The following IL1RAPL1 variants were observed in gnomAD, a reference collection of about 807,000 sequenced individuals.
IL1RAPL1 encodes interleukin 1 receptor accessory protein like 1.
Under a neutral mutation model 48.4 loss-of-function variants are expected in IL1RAPL1, and 3 were observed. The observed-to-expected ratio is 0.06, with a 90% CI of 0.03 to 0.16. The LOEUF is 0.16. IL1RAPL1 is among the 10% of genes least tolerant of loss of function. The pLI, the probability that IL1RAPL1 is intolerant of heterozygous loss-of-function variation, is 1.00. For missense variants in IL1RAPL1, 349 were observed against 530.6 expected, an observed-to-expected ratio of 0.66 and a Z score of 3.36; for synonymous variants, 185 against 187.7, an observed-to-expected ratio of 0.99 and a Z score of 0.12.
At chrX:29,473,651 A>G (rs1358493472) in intron 5 of IL1RAPL1, among the ~76,000 whole-genome samples, 2 of 90,665 alleles carry the variant, frequency 2.2e-5, no homozygotes, top group Non-Finnish European at 4.1e-5. Context: ...ATTTCTGTTC[A>G]TCATTCAGAT....
At chrX:29,070,471 C>T (rs192087530) in intron 2 of IL1RAPL1, among the ~76,000 whole-genome samples, 1 of 111,817 alleles carries the variant, frequency 8.9e-6, no homozygotes, top group East Asian at 2.8e-4. Context: ...AAACACGGAC[C>T]TGACACAGGA....
At chrX:29,742,808 G>C (rs2147136633) in intron 6 of IL1RAPL1, among the ~76,000 whole-genome samples, 1 of 111,425 alleles carries the variant, frequency 9.0e-6, no homozygotes, top group East Asian at 2.8e-4. Context: ...CTTTAGGCTG[G>C]GTTACTAATA....
At chrX:29,327,310 C>A (rs1417994950) in intron 3 of IL1RAPL1, among the ~76,000 whole-genome samples, 7 of 110,051 alleles carry the variant, frequency 6.4e-5, no homozygotes, top group Non-Finnish European at 1.1e-4. Context: ...CCTCCCAATT[C>A]TTAAATTACA....
chrX:28,763,275 A>G (rs1195737829), intron 1 of IL1RAPL1, among the ~76,000 whole-genome samples: 2 of 111,677 alleles, frequency 1.8e-5, no homozygotes, highest in African/African-American at 6.5e-5. Context: ...TTGCCACGAT[A>G]TGAATGTCCC....
At chrX:29,496,274 T>C (rs1439754294) in intron 5 of IL1RAPL1, among the ~76,000 whole-genome samples, 1 of 110,677 alleles carries the variant, frequency 9.0e-6, no homozygotes, top group African/African-American at 3.3e-5. Context: ...TGATATAGTT[T>C]GCATATTTAT....
intron 2 of IL1RAPL1, among the ~76,000 whole-genome samples, chrX:28,937,140 T>C (rs1156956780): frequency 1.8e-5 from 2 of 111,382 alleles, no homozygotes; most frequent in African/African-American, 6.5e-5. Context: ...TATTAACGTT[T>C]ATATCTGTCT....
intron 3 of IL1RAPL1, among the ~76,000 whole-genome samples, chrX:29,335,805 A>G (rs1479971934): frequency 9.0e-6 from 1 of 111,627 alleles, no homozygotes; most frequent in Non-Finnish European, 1.9e-5. Context: ...TTATTTGCCT[A>G]TATTTGAAAG....
intron 1 of IL1RAPL1, among the ~76,000 whole-genome samples, chrX:28,628,895 C>T (rs1269234074): frequency 8.9e-6 from 1 of 112,092 alleles, no homozygotes; most frequent in African/African-American, 3.2e-5. Flanking sequence ...TGCATTATCT[C>T]ATCTAAAACA....
intron 2 of IL1RAPL1, among the ~76,000 whole-genome samples, chrX:28,798,594 G>A (rs1412266446): frequency 8.9e-6 from 1 of 112,073 alleles, no homozygotes; most frequent in East Asian, 2.8e-4. Flanking sequence ...TCAGGGATGA[G>A]GCAGTAGACA....
At chrX:29,033,311 G>A (rs67544637) in intron 2 of IL1RAPL1, among the ~76,000 whole-genome samples, 4,643 of 111,274 alleles carry the variant, frequency 0.042, 98 homozygotes, top group African/African-American at 0.061. Flanking sequence ...AAATGCTAGA[G>A]TGGATTTTCA....
chrX:28,674,666 T>G (rs2146916214), intron 1 of IL1RAPL1, among the ~76,000 whole-genome samples: 1 of 111,929 alleles, frequency 8.9e-6, no homozygotes, highest in African/African-American at 3.2e-5. Flanking sequence ...GAGATATATT[T>G]ATTTTCAGAG....
chrX:29,014,538 A>G (rs1216467994), intron 2 of IL1RAPL1, among the ~76,000 whole-genome samples: 2 of 111,237 alleles, frequency 1.8e-5, no homozygotes, highest in Non-Finnish European at 3.8e-5. Flanking sequence ...GATTTTATAT[A>G]TAGTGATCCA....
chrX:28,779,653 TATATATATATATATATATATATATAG>T (rs1168894841), intron 1 of IL1RAPL1, among the ~76,000 whole-genome samples: 1 of 85,608 alleles, frequency 1.2e-5, no homozygotes, highest in African/African-American at 4.1e-5. Context: ...TATATATATA[TATATATATATATATATATATATATAG>T]AATGTGGAAA....
At position 29,955,176 on chromosome X, in the gene IL1RAPL1, G is replaced by A; in HGVS notation, c.1447G>A (p.Val483Ile). 1 of 1,211,346 alleles carries A rather than the reference G, an allele frequency of 8.3e-7. No individual in the cohort carries two copies. Among genetic ancestry groups the A allele is most frequent in the South Asian group, 1.8e-5 (1 of 56,961 alleles). Residue 483 changes from valine to isoleucine, a missense_variant, in exon 11 of 11, where the codon GTT becomes ATT. Val to Ile is a conservative substitution (Grantham distance 29, BLOSUM62 3). Around this residue, in one of 3 missense-constraint regions of IL1RAPL1, gnomAD observed 46 missense variants for 113.3 expected, o/e 0.41. Coordinates refer to ENST00000378993, the MANE Select transcript of IL1RAPL1 (RefSeq NM_014271.4). Reference protein sequence around the residue: ...LIIVMTPNYVVRRGWSIFELE... With the variant: ...LIIVMTPNYVIRRGWSIFELE... The stretch of plus-strand genomic sequence containing the variant: ...TATTGTCATGACCCCAAATTACGTA[G>A]TTAGAAGGGGCTGGAGCATCTTTGA...
intron 2 of IL1RAPL1, among the ~76,000 whole-genome samples, chrX:29,157,557 C>A (rs767635520): frequency 4.5e-5 from 5 of 111,554 alleles, no homozygotes; most frequent in Non-Finnish European, 9.4e-5. Context: ...CCCTAAATAT[C>A]TCAGTGTATT....
chrX:29,451,288 A>G (rs1345712769), intron 5 of IL1RAPL1, among the ~76,000 whole-genome samples: 5 of 108,914 alleles, frequency 4.6e-5, no homozygotes, highest in Admixed American at 3.0e-4. Flanking sequence ...TCCACTTCCC[A>G]GGTTCAAGCG....
chrX:29,178,173 T>A (rs1037193940), intron 2 of IL1RAPL1, among the ~76,000 whole-genome samples: 3 of 111,111 alleles, frequency 2.7e-5, no homozygotes, highest in Non-Finnish European at 5.7e-5. Flanking sequence ...CGCCACACTG[T>A]CTTTCACAAT....
chrX:29,685,673 G>A (rs1926593906), intron 6 of IL1RAPL1, among the ~76,000 whole-genome samples: 1 of 110,828 alleles, frequency 9.0e-6, no homozygotes, highest in African/African-American at 3.3e-5. Flanking sequence ...AACATTTCCA[G>A]TTGTGAAAAT....
At chrX:29,875,741 G>T (rs903217210) in intron 6 of IL1RAPL1, among the ~76,000 whole-genome samples, 1 of 111,793 alleles carries the variant, frequency 8.9e-6, no homozygotes, top group Non-Finnish European at 1.9e-5. Flanking sequence ...ATTATCCCGG[G>T]AAAAAGGGCA....
Sources: gnomAD v4.1 joint callset for allele counts (sites outside exome capture counted in the v4.1 genomes callset) on GRCh38, gnomAD v4.1.1 for gene constraint, gnomAD v4.1.1 regional missense constraint, MANE v1.5 for transcripts, NCBI Gene and HGNC (gene_info 2026-07-23, HGNC 2026-07-21) for gene names.